Variants in MEF2C observed in about 807,000 individuals in gnomAD.
MEF2C encodes the protein myocyte-specific enhancer factor 2C.
MEF2C carries 6 observed loss-of-function variants against 50.5 expected under a neutral mutation model. The ratio of observed to expected loss-of-function variants is 0.12; its 90% CI spans 0.07 to 0.23. The LOEUF is 0.23. Ranked by LOEUF, MEF2C falls within the 10% of genes least tolerant of loss-of-function variation. The pLI, the probability that MEF2C is intolerant of heterozygous loss-of-function variation, is 1.00. For synonymous variants in MEF2C, 183 were observed against 228.0 expected, an observed-to-expected ratio of 0.80 and a Z score of 1.78; for missense variants, 276 against 605.0, an observed-to-expected ratio of 0.46 and a Z score of 5.70.
intron 10 of MEF2C, among the ~76,000 whole-genome samples, chr5:88,724,694 G>A (rs1225383352): frequency 2.0e-5 from 3 of 152,064 alleles, no homozygotes; most frequent in African/African-American, 7.2e-5. Flanking sequence ...TGTTAAAATG[G>A]GGAGAGGGAA....
intron 1 of MEF2C, among the ~76,000 whole-genome samples, chr5:88,836,336 T>G (rs1208245457): frequency 6.6e-6 from 1 of 152,004 alleles, no homozygotes; most frequent in Non-Finnish European, 1.5e-5. Context: ...TCCCTGTCTA[T>G]CTAGTAGGAT....
intron 1 of MEF2C, among the ~76,000 whole-genome samples, chr5:88,870,806 A>T (rs765347244): frequency 3.3e-5 from 5 of 152,126 alleles, no homozygotes; most frequent in African/African-American, 4.8e-5. Flanking sequence ...ACAGCCTGGT[A>T]CAAAAACACT....
chr5:88,846,578 T>C (rs915499059), intron 1 of MEF2C, among the ~76,000 whole-genome samples: 10 of 152,208 alleles, frequency 6.6e-5, no homozygotes, highest in Non-Finnish European at 4.4e-5. Flanking sequence ...GTGCTCAACA[T>C]GGTAGAAATA....
intron 2 of MEF2C, among the ~76,000 whole-genome samples, chr5:88,812,472 C>T (rs1490231291): frequency 6.6e-6 from 1 of 152,044 alleles, no homozygotes; most frequent in Admixed American, 6.6e-5. Context: ...ACAGTAGAAA[C>T]TTACATTTGG....
intron 3 of MEF2C, among the ~76,000 whole-genome samples, chr5:88,769,247 C>A (rs1005441643): frequency 6.6e-6 from 1 of 152,166 alleles, no homozygotes; most frequent in Non-Finnish European, 1.5e-5. Context: ...TCATTTTCCC[C>A]CATTCTTGGA....
chr5:88,882,320 A>G (rs1262227470), intron 1 of MEF2C, among the ~76,000 whole-genome samples: 1 of 152,230 alleles, frequency 6.6e-6, no homozygotes, highest in Non-Finnish European at 1.5e-5. Context: ...ATATGCTGAA[A>G]TCGAACGTGA....
Position 88,728,493 on chromosome 5 carries a change from C to T in MEF2C, c.1100G>A (p.Gly367Glu). 1.3e-6 allele frequency: 2 copies of T among 1,483,660 alleles called. No homozygotes were observed. The highest frequency in any genetic ancestry group is 1.8e-6 in the Non-Finnish European group (2 of 1,114,038). 91.9% of individuals were successfully genotyped at this position (1,483,660 alleles called of 1,614,324 possible). ...TATTATAAAAAATAATATTGCTTAC[C>T]CCAACTGACTGAGGGCAGATGGTGG... is the stretch of plus-strand genomic sequence containing the variant. Reference protein sequence around the residue: ...NMPPSALSQLGACTSTHLSQS... With the variant: ...NMPPSALSQLEACTSTHLSQS... Residue 367 changes from glycine to glutamate, a missense_variant and splice_region_variant, in exon 10 of 11, where the codon GGA becomes GAA. Physicochemically the swap from Gly to Glu is moderately conservative, Grantham distance 98. Around this residue, in one of 2 missense-constraint regions of MEF2C, gnomAD observed 256 missense variants for 468.1 expected, o/e 0.55. Coordinates refer to ENST00000504921, the MANE Select transcript of MEF2C (RefSeq NM_002397.5).
At chr5:88,777,213 T>C (rs1315458260) in intron 3 of MEF2C, among the ~76,000 whole-genome samples, 1 of 152,208 alleles carries the variant, frequency 6.6e-6, no homozygotes, top group Non-Finnish European at 1.5e-5. Context: ...TTCTATGGCA[T>C]GAAGAGGAAA....
At chr5:88,784,713 G>T (rs543378486) in intron 3 of MEF2C, among the ~76,000 whole-genome samples, 43 of 152,232 alleles carry the variant, frequency 2.8e-4, no homozygotes, top group African/African-American at 1.0e-3. Flanking sequence ...TGGTACAAAT[G>T]ACTCAACAAT....
chr5:88,844,298 T>G (rs915785057), intron 1 of MEF2C, among the ~76,000 whole-genome samples: 1 of 152,184 alleles, frequency 6.6e-6, no homozygotes, highest in Non-Finnish European at 1.5e-5. Flanking sequence ...AACTCTATAC[T>G]GCAAGTAAGC....
At chr5:88,887,845 A>C (rs963241491), upstream of MEF2C, among the ~76,000 whole-genome samples, 1 of 152,252 alleles carries the variant, frequency 6.6e-6, no homozygotes, top group Admixed American at 6.5e-5. Flanking sequence ...AGAAGAATAT[A>C]CAGCATGTGG....
At chr5:88,831,282 A>G (rs372380730) in intron 1 of MEF2C, among the ~76,000 whole-genome samples, 2 of 152,052 alleles carry the variant, frequency 1.3e-5, no homozygotes, top group East Asian at 1.9e-4. Context: ...ATAAAACAAT[A>G]AGAGTACATT....
chr5:88,865,894 CTT>C (rs373415690), intron 1 of MEF2C, among the ~76,000 whole-genome samples: 2 of 143,948 alleles, frequency 1.4e-5, no homozygotes, highest in East Asian at 2.0e-4. Context: ...CATTTCTTTT[CTT>C]TTTTTTTTTT....
intron 1 of MEF2C, among the ~76,000 whole-genome samples, chr5:88,870,871 T>G (rs913285646): frequency 6.6e-6 from 1 of 152,096 alleles, no homozygotes; most frequent in Non-Finnish European, 1.5e-5. Flanking sequence ...CTGGGGTAAG[T>G]TTTTGAATTA....
At chr5:88,733,599 G>A (rs1581425780) in intron 6 of MEF2C, 1 of 985,114 alleles carries the variant, frequency 1.0e-6, no homozygotes, top group African/African-American at 1.7e-5. Flanking sequence ...GATATTTATG[G>A]GAACATCTTT....
At chr5:88,880,411 C>G (rs1832460354) in intron 1 of MEF2C, among the ~76,000 whole-genome samples, 1 of 152,054 alleles carries the variant, frequency 6.6e-6, no homozygotes, top group Admixed American at 6.6e-5. Flanking sequence ...ACAAGTATTG[C>G]TGCACAGCTA....
chr5:88,739,590 A>C, intron 6 of MEF2C: 1 of 985,152 alleles, frequency 1.0e-6, no homozygotes, highest in Non-Finnish European at 1.2e-6. Context: ...ACTCTACTGG[A>C]AGTGACAGTT....
At chr5:88,780,128 T>C (rs568026371) in intron 3 of MEF2C, among the ~76,000 whole-genome samples, 3 of 150,262 alleles carry the variant, frequency 2.0e-5, no homozygotes, top group East Asian at 1.9e-4. Flanking sequence ...GCCTGGATGA[T>C]AGAGTGAGAA....
chr5:88,804,709 G>A lies in MEF2C; in HGVS notation c.147C>T (p.Asn49=), dbSNP rs771001874. Residue 49 remains asparagine (N), a synonymous_variant, in exon 3 of 11, where the codon AAC becomes AAT. Coordinates refer to ENST00000504921, the MANE Select transcript of MEF2C (RefSeq NM_002397.5). ...CATACTGGAACAGCTTGTTGGTGCTGTTGAAGATGATCAGCGCAATCTCAC... is the reference window on the plus strand; with the variant it reads ...CATACTGGAACAGCTTGTTGGTGCTATTGAAGATGATCAGCGCAATCTCAC... The part of the protein sequence containing the change: ...CDCEIALIIF[N]STNKLFQYAS... 1 of 1,614,152 alleles carries A rather than the reference G, an allele frequency of 6.2e-7. No homozygotes were observed. Among genetic ancestry groups the A allele is most frequent in the Non-Finnish European group, 8.5e-7 (1 of 1,180,016 alleles).
Sources: allele counts gnomAD v4.1 joint callset (sites outside exome capture counted in the v4.1 genomes callset), GRCh38; gene constraint gnomAD v4.1.1; regional missense constraint gnomAD v4.1.1; transcripts MANE v1.5; gene names NCBI Gene and HGNC (gene_info 2026-07-23, HGNC 2026-07-21).